Variants in SHOX observed in about 807,000 individuals in gnomAD.
SHOX encodes short stature homeobox protein.
A neutral mutation model predicts 29.6 loss-of-function variants in SHOX; 12 were observed. The observed-to-expected ratio is 0.41, with a 90% CI of 0.26 to 0.66. SHOX has a LOEUF of 0.66. Ranked by LOEUF, SHOX falls within the 30% of genes least tolerant of loss-of-function variation. SHOX has a pLI of 0.35. For synonymous variants in SHOX, 214 were observed against 200.6 expected (o/e 1.07, Z -0.57); for missense variants, 499 against 437.7 (o/e 1.14, Z -1.25).
intron 4 of SHOX, among the ~76,000 whole-genome samples, chrX:643,426 G>A (rs1457225043): frequency 2.0e-5 from 3 of 148,638 alleles, no homozygotes; most frequent in Non-Finnish European, 3.0e-5. Flanking sequence ...GGTGACCTTG[G>A]AGAGGCCTGG....
At chrX:630,308 T>C (rs867490463), upstream of SHOX, among the ~76,000 whole-genome samples, 3 of 150,386 alleles carry the variant, frequency 2.0e-5, no homozygotes, top group Non-Finnish European at 4.4e-5. Context: ...GGCGCCCGGA[T>C]CCCCCCCTCG....
upstream of SHOX, among the ~76,000 whole-genome samples, chrX:630,119 G>T (rs751181153): frequency 2.0e-5 from 3 of 152,214 alleles, no homozygotes; most frequent in South Asian, 6.2e-4. Flanking sequence ...CGGCCCCGGG[G>T]ATCCTCGGCC....
chrX:634,864 A>G (rs1221175795), intron 2 of SHOX, 38 bp downstream of exon 2: 4 of 1,541,216 alleles, frequency 2.6e-6, no homozygotes, highest in Non-Finnish European at 2.6e-6. Flanking sequence ...GCCCGGAGCC[A>G]TCGCCTGGTC....
upstream of SHOX, among the ~76,000 whole-genome samples, chrX:627,893 T>A (rs747267470): frequency 2.6e-5 from 4 of 152,226 alleles, no homozygotes; most frequent in South Asian, 8.3e-4. Flanking sequence ...AGGGAGACAG[T>A]GAGCAGCTGT....
At chrX:631,707 C>T (rs1255455671) in intron 1 of SHOX, among the ~76,000 whole-genome samples, 1 of 152,118 alleles carries the variant, frequency 6.6e-6, no homozygotes, top group Non-Finnish European at 1.5e-5. Context: ...AATTTTTGTG[C>T]TTTTAGTAAA....
intron 5 of SHOX, among the ~76,000 whole-genome samples, chrX:657,325 G>A (rs1325195886): frequency 3.9e-5 from 6 of 152,208 alleles, no homozygotes; most frequent in African/African-American, 1.2e-4. Context: ...ACTGATGCCT[G>A]TTTAAATAAA....
In SHOX at chrX:645,893, T is replaced by A. The variant is rs2052957102; in HGVS notation, c.*1257T>A. On this transcript the variant is annotated 3_prime_UTR_variant, in exon 5 of 5. Coordinates refer to ENST00000686671, the MANE Select transcript of SHOX (RefSeq NM_000451.4). ...ATCTTCTGCGTTCCCCCAGTTCTTT[T>A]ATTTCTTTGTTTTTTATTTTTGAGA... The A allele has an allele frequency of 6.6e-6, 1 of 152,184 alleles. No individual in the cohort carries two copies. Among genetic ancestry groups the A allele is most frequent in the Non-Finnish European group, 1.5e-5 (1 of 68,062 alleles). 9.4% of individuals were successfully genotyped at this position (152,184 alleles called of 1,614,324 possible). A position where few individuals can be genotyped will look rare whatever the true frequency, so the allele number is the denominator to read the frequency against.
At chrX:656,504 C>G (rs867355616), downstream of SHOX, among the ~76,000 whole-genome samples, 1 of 151,992 alleles carries the variant, frequency 6.6e-6, no homozygotes, top group Non-Finnish European at 1.5e-5. Flanking sequence ...CCCAGGAGTT[C>G]AAGACCAGCC....
intron 2 of SHOX, among the ~76,000 whole-genome samples, chrX:639,054 T>C (rs2052804507): frequency 6.6e-6 from 1 of 152,070 alleles, no homozygotes; most frequent in African/African-American, 2.4e-5. Flanking sequence ...CTCCAGCTGG[T>C]CTGTCTGTGG....
chrX:646,324 G>C lies in SHOX; in HGVS notation c.*1688G>C, dbSNP rs1303359239. ...GATTGGTTTTCTGGGAACACAGCAAGGGGTTTGGTGACCTCCGAGAAGATC... is the reference window on the plus strand; with the variant it reads ...GATTGGTTTTCTGGGAACACAGCAACGGGTTTGGTGACCTCCGAGAAGATC... On this transcript the variant is annotated 3_prime_UTR_variant, in exon 5 of 5. Transcript: ENST00000686671. The C allele has an allele frequency of 6.6e-6, 1 of 151,988 alleles. No homozygotes were observed. Among genetic ancestry groups the C allele is most frequent in the Non-Finnish European group, 1.5e-5 (1 of 68,012 alleles). 9.4% of individuals were successfully genotyped at this position (151,988 alleles called of 1,614,324 possible). A position where few individuals can be genotyped will look rare whatever the true frequency, so the allele number is the denominator to read the frequency against.
In SHOX at chrX:650,693, C is replaced by T. The variant is rs193236611; in HGVS notation, c.*6057C>T. On this transcript the variant is annotated 3_prime_UTR_variant, in exon 5 of 5. Coordinates refer to ENST00000686671, the MANE Select transcript of SHOX (RefSeq NM_000451.4). The stretch of plus-strand genomic sequence containing the variant: ...GGATGGCACACGGCAGCCACTCCCA[C>T]GACACACATTTCGGAGGCACTTTGC... Among the ~76,000 whole-genome samples, 95 of 149,648 alleles carry T rather than the reference C, an allele frequency of 6.3e-4. No homozygotes were observed. The East Asian group carries it at 8.4e-3, about 13-fold the overall frequency.
chrX:654,934 C>T (rs1266075894), downstream of SHOX, among the ~76,000 whole-genome samples: 5 of 146,870 alleles, frequency 3.4e-5, no homozygotes, highest in African/African-American at 7.9e-5. Flanking sequence ...GTGATCCACC[C>T]GCCTCAGCCT....
chrX:634,653 A>T lies in SHOX; in HGVS notation c.313A>T (p.Lys105Ter). ...ATGCAAAGAGAAGCGCGAGGACGTG[A>T]AGTCGGAGGACGAGGACGGGCAGAC... ...YECKEKREDVKSEDEDGQTKL... is the reference protein window; with the variant it reads ...YECKEKREDV Residue 105 changes from lysine (K) to a stop codon, truncating the protein, a stop_gained, in exon 2 of 5, where the codon AAG becomes TAG. Transcript: ENST00000686671. LOFTEE classifies it high-confidence loss of function. The T allele has an allele frequency of 6.2e-7, 1 of 1,613,892 alleles. No individual in the cohort carries two copies. The highest frequency in any genetic ancestry group is 8.5e-7 in the Non-Finnish European group (1 of 1,179,872).
chrX:644,340 G>T, intron 4 of SHOX, 51 bp from the exon 5 acceptor site: 1 of 1,482,064 alleles, frequency 6.7e-7, no homozygotes, highest in African/African-American at 1.5e-5. Context: ...GGCGGAGCAG[G>T]CCCCCCAGTC....
At position 649,334 on chromosome X, in the gene SHOX, G is replaced by A. The variant is rs28589604; in HGVS notation, c.*4698G>A. The stretch of plus-strand genomic sequence containing the variant: ...GATTACGGGGTGAGGCACCGCGCCC[G>A]GCCTCCTCTCTCTTTTTCTGAGATG... On this transcript the variant is annotated 3_prime_UTR_variant, in exon 5 of 5. Transcript: ENST00000686671. Among the ~76,000 whole-genome samples the A allele has an allele frequency of 0.11, 16,399 of 152,098 alleles. 1,018 individuals carry two copies. The highest frequency in any genetic ancestry group is 0.16 in the African/African-American group (6,546 of 41,500).
chrX:630,812 C>A lies in SHOX; in HGVS notation c.-86C>A. ...AGGCGTAAATAACAGCGCTGGTGAT[C>A]CACCCGCGCGCACGGGCCGTCCTCT... On this transcript the variant is annotated 5_prime_UTR_variant, in exon 1 of 5. Transcript: ENST00000686671. The A allele has an allele frequency of 6.6e-7, 1 of 1,513,416 alleles. No individual in the cohort carries two copies. Among genetic ancestry groups the A allele is most frequent in the South Asian group, 1.1e-5 (1 of 88,686 alleles). The allele number at this position is 1,513,416 out of a possible 1,614,324, so 93.7% of individuals were successfully genotyped here.
At chrX:626,208 C>T (rs2052529540), upstream of SHOX, among the ~76,000 whole-genome samples, 1 of 119,808 alleles carries the variant, frequency 8.3e-6, no homozygotes, top group South Asian at 2.5e-4. Context: ...CTCTCTTTTT[C>T]TCTTTCTCTG....
chrX:657,469 C>T (rs2053163576), intron 5 of SHOX, among the ~76,000 whole-genome samples: 1 of 152,154 alleles, frequency 6.6e-6, no homozygotes, highest in Non-Finnish European at 1.5e-5. Flanking sequence ...TGCTGCCCAT[C>T]CTTCTAGAAG....
In SHOX at chrX:648,436, C is replaced by T. The variant is rs188106347; in HGVS notation, c.*3800C>T. Among the ~76,000 whole-genome samples the T allele has an allele frequency of 1.6e-4, 24 of 152,228 alleles. 1 individual carries two copies. Among genetic ancestry groups the T allele is most frequent in the Middle Eastern group, 3.4e-3 (1 of 294 alleles). On this transcript the variant is annotated 3_prime_UTR_variant, in exon 5 of 5. Transcript: ENST00000686671. ...GAGACAGGTTTTTGCTGTGTTGGCC[C>T]GGCTGGTCTCAAACTCCTGACCTCA...
Sources: gnomAD v4.1 joint callset for allele counts (sites outside exome capture counted in the v4.1 genomes callset) on GRCh38, gnomAD v4.1.1 for gene constraint, MANE v1.5 for transcripts, NCBI Gene and HGNC (gene_info 2026-07-23, HGNC 2026-07-21) for gene names.